Variants in TOP1 observed in about 807,000 individuals in gnomAD.
TOP1 encodes the protein DNA topoisomerase 1.
TOP1 carries 10 observed loss-of-function variants against 111.1 expected under a neutral mutation model. The ratio of observed to expected loss-of-function variants is 0.09; its 90% CI spans 0.06 to 0.15. The LOEUF is 0.15. Among genes scored for constraint, TOP1 ranks in the 10% least tolerant of loss-of-function variants. The pLI is 1.00. For missense variants in TOP1, 474 were observed against 926.7 expected (o/e 0.51, Z 6.34); for synonymous variants, 271 against 302.9 (o/e 0.89, Z 1.10).
chr20:41,040,422 A>T (rs572869881), intron 2 of TOP1, among the ~76,000 whole-genome samples: 9 of 152,326 alleles, frequency 5.9e-5, no homozygotes, highest in African/African-American at 2.2e-4. Flanking sequence ...TTAGGAATTG[A>T]TTGTGGCTCA....
rs1158494377 is a variant in TOP1, at chr20:41,101,425, C to T, written c.1308+72C>T. The T allele has an allele frequency of 4.8e-6, 7 of 1,462,346 alleles. No individual in the cohort carries two copies. The highest frequency in any genetic ancestry group is 2.3e-5 in the East Asian group (1 of 42,686). 90.6% of individuals were successfully genotyped at this position (1,462,346 alleles called of 1,614,324 possible). A position where few individuals can be genotyped will look rare whatever the true frequency, so the allele number is the denominator to read the frequency against. Reference sequence around the variant, plus strand: ...TTTTTTTGTTGAAATGTAACGTTCTCGTCCTCTAGAATCACTTTGACAAAT... The same window carrying T: ...TTTTTTTGTTGAAATGTAACGTTCTTGTCCTCTAGAATCACTTTGACAAAT... On this transcript the variant is annotated intron_variant, in intron 13 of 20. Transcript: ENST00000361337. The surrounding 1 kb of genome is among the most constrained non-coding windows in gnomAD (Gnocchi z 4.1).
chr20:41,088,459 C>T (rs931857108), intron 8 of TOP1, among the ~76,000 whole-genome samples: 2 of 152,068 alleles, frequency 1.3e-5, no homozygotes, highest in African/African-American at 2.4e-5. Context: ...GCGGAGATCA[C>T]GCGACTGCAC....
At chr20:41,041,038 T>A (rs1045079418) in intron 2 of TOP1, among the ~76,000 whole-genome samples, 1 of 152,104 alleles carries the variant, frequency 6.6e-6, no homozygotes, top group Non-Finnish European at 1.5e-5. Flanking sequence ...TCACAGATAC[T>A]CCATTTCCTT....
chr20:41,123,173 C>G lies in TOP1; in HGVS notation c.2196-22C>G. On this transcript the variant is annotated intron_variant, in intron 20 of 20. Transcript: ENST00000361337. The surrounding 1 kb of genome is among the most constrained non-coding windows in gnomAD (Gnocchi z 5.8). The stretch of plus-strand genomic sequence containing the variant: ...ATTGCTGAGTCACCCTAATCCCCCC[C>G]TTATTTCTCCTTTGTTTGCAGGTGC... 4 of 1,578,716 alleles carry G rather than the reference C, an allele frequency of 2.5e-6. No individual in the cohort carries two copies. The highest frequency in any genetic ancestry group is 3.5e-6 in the Non-Finnish European group (4 of 1,148,054).
Position 41,083,688 on chromosome 20 carries a change from T to C in TOP1, c.508-774T>C, listed in dbSNP as rs889522058. ...ATAAAGACTGAATAAGTAGTTAAAT[T>C]ATGTTGAATAGGCAGGACAAAGGAA... On this transcript the variant is annotated intron_variant, in intron 7 of 20. Coordinates refer to ENST00000361337, the MANE Select transcript of TOP1 (RefSeq NM_003286.4). This position sits in a 1 kb window ranked among gnomAD's most constrained non-coding sequence, Gnocchi z 7.2. Among the ~76,000 whole-genome samples the C allele has an allele frequency of 1.3e-5, 2 of 152,202 alleles. No individual in the cohort carries two copies. Among genetic ancestry groups the C allele is most frequent in the African/African-American group, 2.4e-5 (1 of 41,446 alleles).
chr20:41,086,738 G>A (rs2033853814), intron 8 of TOP1, among the ~76,000 whole-genome samples: 1 of 152,196 alleles, frequency 6.6e-6, no homozygotes, highest in African/African-American at 2.4e-5. Flanking sequence ...AGGGGAACTG[G>A]CTAGTCTTTA....
chr20:41,068,242 G>A (rs140803000), intron 3 of TOP1, among the ~76,000 whole-genome samples: 1 of 152,170 alleles, frequency 6.6e-6, no homozygotes. Context: ...AAGTATTAAT[G>A]TCATCAAATT....
chr20:41,073,833 A>AT (rs2033694728), intron 3 of TOP1, among the ~76,000 whole-genome samples: 1 of 152,178 alleles, frequency 6.6e-6, no homozygotes, highest in Non-Finnish European at 1.5e-5. Context: ...TTGTTTTGCC[A>AT]TCCCCTCCCC....
At chr20:41,036,283 C>A (rs1188118763) in intron 2 of TOP1, among the ~76,000 whole-genome samples, 1 of 152,026 alleles carries the variant, frequency 6.6e-6, no homozygotes, top group East Asian at 1.9e-4. Flanking sequence ...ATAGCTTGGA[C>A]CCTTTGTATG....
chr20:41,094,378 G>T lies in TOP1; in HGVS notation c.730+1791G>T, dbSNP rs150327837. ...CACCATCTCAAAGCGTAGGTATTCCGTAGGCCTGGTCTGGACTTACCAAGA... is the reference window on the plus strand; with the variant it reads ...CACCATCTCAAAGCGTAGGTATTCCTTAGGCCTGGTCTGGACTTACCAAGA... On this transcript the variant is annotated intron_variant, in intron 9 of 20. Coordinates refer to ENST00000361337, the MANE Select transcript of TOP1 (RefSeq NM_003286.4). The surrounding 1 kb of genome is among the most constrained non-coding windows in gnomAD (Gnocchi z 4.4). Among the ~76,000 whole-genome samples, 5 of 152,170 alleles carry T rather than the reference G, an allele frequency of 3.3e-5. No individual in the cohort carries two copies. The highest frequency in any genetic ancestry group is 4.8e-5 in the African/African-American group (2 of 41,440).
intron 18 of TOP1, among the ~76,000 whole-genome samples, chr20:41,119,896 C>A (rs886072747): frequency 3.3e-5 from 5 of 152,202 alleles, no homozygotes; most frequent in Admixed American, 1.3e-4. Flanking sequence ...CATTACAAGC[C>A]AGAAATAAAA....
Position 41,102,148 on chromosome 20 carries a change from C to T in TOP1, c.1308+795C>T, listed in dbSNP as rs1353222837. On this transcript the variant is annotated intron_variant, in intron 13 of 20. Coordinates refer to ENST00000361337, the MANE Select transcript of TOP1 (RefSeq NM_003286.4). This position sits in a 1 kb window ranked among gnomAD's most constrained non-coding sequence, Gnocchi z 4.0. Reference sequence around the variant, plus strand: ...TGGGACTAAAGACCTTCTTGATCCTCGTTCATAGGTTATAACATCTGTTAA... The same window carrying T: ...TGGGACTAAAGACCTTCTTGATCCTTGTTCATAGGTTATAACATCTGTTAA... 6.6e-6 allele frequency among the ~76,000 whole-genome samples: 1 copy of T among 152,140 alleles called. No homozygotes were observed.
Position 41,097,192 on chromosome 20 carries a change from C to A in TOP1, c.731-28C>A. The stretch of plus-strand genomic sequence containing the variant: ...TGCTTAGAACATGAATACTATACCT[C>A]ACTTTTTGGAACCACTTTTTTCTCT... On this transcript the variant is annotated intron_variant, in intron 9 of 20. Transcript: ENST00000361337. The surrounding 1 kb of genome is among the most constrained non-coding windows in gnomAD (Gnocchi z 4.2). 1 of 1,609,202 alleles carries A rather than the reference C, an allele frequency of 6.2e-7. No individual in the cohort carries two copies. Among genetic ancestry groups the A allele is most frequent in the Non-Finnish European group, 8.5e-7 (1 of 1,178,746 alleles).
chr20:41,061,951 G>A lies in TOP1; in HGVS notation c.155+461G>A, dbSNP rs538530689. On this transcript the variant is annotated intron_variant, in intron 3 of 20. Transcript: ENST00000361337. The surrounding 1 kb of genome is among the most constrained non-coding windows in gnomAD (Gnocchi z 4.6). ...TATATGCAAATGGTTGAGTATATGA[G>A]ATTTCCTGGAGAGACTATTTGTAGC... Among the ~76,000 whole-genome samples the A allele has an allele frequency of 9.3e-4, 141 of 152,268 alleles. 1 individual carries two copies. The highest frequency in any genetic ancestry group is 3.1e-3 in the African/African-American group (128 of 41,552).
chr20:41,108,437 G>GC (rs2034181654), intron 13 of TOP1, among the ~76,000 whole-genome samples: 1 of 152,120 alleles, frequency 6.6e-6, no homozygotes, highest in African/African-American at 2.4e-5. Flanking sequence ...TCCTGTCTTT[G>GC]CCCCCTTTCT....
rs142463375 is a variant in TOP1, at chr20:41,080,908, A to C, written c.432-257A>C. ...ATCTGATAATGATATTTATTTCTGC[A>C]TATATCCCCCCACCCTATTTTGCTT... is the stretch of plus-strand genomic sequence containing the variant. On this transcript the variant is annotated intron_variant, in intron 6 of 20. Transcript: ENST00000361337. This position sits in a 1 kb window ranked among gnomAD's most constrained non-coding sequence, Gnocchi z 5.0. 1.4e-4 allele frequency among the ~76,000 whole-genome samples: 22 copies of C among 151,744 alleles called. No individual in the cohort carries two copies. Among genetic ancestry groups the C allele is most frequent in the African/African-American group, 5.1e-4 (21 of 41,358 alleles).
At chr20:41,111,858 C>T (rs1263627679) in intron 13 of TOP1, among the ~76,000 whole-genome samples, 3 of 152,092 alleles carry the variant, frequency 2.0e-5, no homozygotes, top group Admixed American at 1.3e-4. Context: ...TTCCCTGCTT[C>T]TGGATTTCTT....
rs780043362 is a variant in TOP1, at chr20:41,029,040, G to A, written c.-28G>A. The A allele has an allele frequency of 1.9e-6, 3 of 1,543,760 alleles. No homozygotes were observed. In the South Asian group the frequency reaches 3.6e-5, roughly 18 times the overall value. ...GCGTCTCCCCCACGCCGCCTCGCCTGCCGCCGCGCTCGTCCCTCCGGGCCG... is the reference window on the plus strand; with the variant it reads ...GCGTCTCCCCCACGCCGCCTCGCCTACCGCCGCGCTCGTCCCTCCGGGCCG... On this transcript the variant is annotated 5_prime_UTR_variant, in exon 1 of 21. Coordinates refer to ENST00000361337, the MANE Select transcript of TOP1 (RefSeq NM_003286.4). This position sits in a 1 kb window ranked among gnomAD's most constrained non-coding sequence, Gnocchi z 6.1.
chr20:41,067,000 T>G (rs1268280372), intron 3 of TOP1, among the ~76,000 whole-genome samples: 1 of 152,248 alleles, frequency 6.6e-6, no homozygotes, highest in East Asian at 1.9e-4. Flanking sequence ...TGAGTAAATT[T>G]TAACAGTTTA....
Sources: gnomAD v4.1 joint callset for allele counts (sites outside exome capture counted in the v4.1 genomes callset) on GRCh38, gnomAD v4.1.1 for gene constraint, Gnocchi (gnomAD v3.1) non-coding constraint, MANE v1.5 for transcripts, NCBI Gene and HGNC (gene_info 2026-07-23, HGNC 2026-07-21) for gene names.